Variants in AKAP6 observed in about 807,000 individuals in gnomAD.
The protein encoded by AKAP6 is A-kinase anchor protein 6.
AKAP6 carries 58 observed loss-of-function variants against 188.5 expected under a neutral mutation model. The ratio of observed to expected loss-of-function variants is 0.31; its 90% confidence interval spans 0.25 to 0.38. The LOEUF (loss-of-function observed/expected upper bound fraction) is 0.38, where lower values mean the gene tolerates loss of function less well. AKAP6 is among the 10% of genes least tolerant of loss of function. The probability of loss-of-function intolerance (pLI) is 1.00; values close to 1 mark genes in which losing one functional copy is unlikely to be tolerated. For synonymous variants in AKAP6, 989 were observed against 998.6 expected, an observed-to-expected ratio of 0.99 and a Z score of 0.18; for missense variants, 2,710 against 2,740.0, an observed-to-expected ratio of 0.99 and a Z score of 0.24.
At chr14:32,622,652 A>C (rs1886863116) in intron 7 of AKAP6, among the ~76,000 whole-genome samples, 1 of 152,160 alleles carries the variant, frequency 6.6e-6, no homozygotes, top group Non-Finnish European at 1.5e-5. Flanking sequence ...TAAGAAGACA[A>C]ATAATGTTCT....
At chr14:32,669,174 CT>C (rs1236848725) in intron 7 of AKAP6, among the ~76,000 whole-genome samples, 1 of 152,080 alleles carries the variant, frequency 6.6e-6, no homozygotes, top group Non-Finnish European at 1.5e-5. Flanking sequence ...TGTCTTACCC[CT>C]AAGAGACACT....
chr14:32,650,963 C>T lies in AKAP6; in HGVS notation c.2731-27348C>T, dbSNP rs574188436. Reference sequence around the variant, plus strand: ...ATTGTAAAGTTTGCTTCTTTTAAGCCGTAAGGTAAGACATATGAAGGAAAA... The same window carrying T: ...ATTGTAAAGTTTGCTTCTTTTAAGCTGTAAGGTAAGACATATGAAGGAAAA... On this transcript the variant is annotated intron_variant, in intron 7 of 13. Coordinates refer to ENST00000280979, the MANE Select transcript of AKAP6 (RefSeq NM_004274.5). Among the ~76,000 whole-genome samples, 16 of 152,126 alleles carry T rather than the reference C, an allele frequency of 1.1e-4. No individual in the cohort carries two copies. The South Asian group carries it at 2.5e-3, about 24-fold the overall frequency.
chr14:32,828,494 C>T (rs1406031236), intron 13 of AKAP6, among the ~76,000 whole-genome samples: 1 of 151,190 alleles, frequency 6.6e-6, no homozygotes, highest in Non-Finnish European at 1.5e-5. Context: ...TACTGGGCAT[C>T]ACCTATCATC....
chr14:32,409,892 A>G (rs930267268), intron 1 of AKAP6, among the ~76,000 whole-genome samples: 4 of 151,362 alleles, frequency 2.6e-5, no homozygotes, highest in Non-Finnish European at 5.9e-5. Flanking sequence ...TTTTTTTCTT[A>G]TTTTGCCCAA....
At position 32,568,773 on chromosome 14, in the gene AKAP6, T is replaced by C. The variant is rs1421511429; in HGVS notation, c.2347-8347T>C. Among the ~76,000 whole-genome samples, 2 of 152,170 alleles carry C rather than the reference T, an allele frequency of 1.3e-5. No individual in the cohort carries two copies. Among genetic ancestry groups the C allele is most frequent in the Non-Finnish European group, 2.9e-5 (2 of 68,016 alleles). On this transcript the variant is annotated intron_variant, in intron 4 of 13. Transcript: ENST00000280979. The surrounding 1 kb of genome is among the most constrained non-coding windows in gnomAD (Gnocchi z 6.2). ...TATAAAATGGAGAGTGCAGTAATAT[T>C]GTATCATAGGGTTGTTGTAAGGATT...
intron 7 of AKAP6, among the ~76,000 whole-genome samples, chr14:32,648,732 T>C (rs560332892): frequency 5.8e-4 from 89 of 152,266 alleles, no homozygotes; most frequent in African/African-American, 1.9e-3. Flanking sequence ...GAATCACTAA[T>C]AGATTAAAGA....
rs1595000148 is a variant in AKAP6 at position 32,835,131 on chromosome 14, A to G, written c.*5326A>G. The G allele has an allele frequency of 1.3e-5, 2 of 152,286 alleles. No individual in the cohort carries two copies. Among genetic ancestry groups the G allele is most frequent in the East Asian group, 3.9e-4 (2 of 5,180 alleles). The allele number at this position is 152,286 out of a possible 1,614,324, so 9.4% of individuals were successfully genotyped here. On this transcript the variant is annotated 3_prime_UTR_variant, in exon 14 of 14. Transcript: ENST00000280979. Reference sequence around the variant, plus strand: ...AAAGCCATATGGCCTGCAAAACCTAAAACATTTACTATCTGGATCATTACA... The same window carrying G: ...AAAGCCATATGGCCTGCAAAACCTAGAACATTTACTATCTGGATCATTACA...
At position 32,433,538 on chromosome 14, in the gene AKAP6, C is replaced by A; in HGVS notation, c.45C>A (p.Asp15Glu). The change falls in exon 2 of 14, where the codon GAC (aspartate) becomes GAA (glutamate). Residue 15 changes from aspartate to glutamate, a missense_variant. By Grantham distance (45) the Asp-to-Glu change is conservative. This residue lies in a region of AKAP6 where 237 missense variants were observed against 313.9 expected (regional missense o/e 0.76). Transcript: ENST00000280979. ...CACTTTCCCCCCTGAGGTCACAGGA[C>A]CTGGATCCCATGGCTACTGATGCTT... ...SVTLSPLRSQ[D>E]LDPMATDASP... is the part of the protein sequence containing the mutation. 1 of 1,614,092 alleles carries A rather than the reference C, an allele frequency of 6.2e-7. No individual in the cohort carries two copies. The highest frequency in any genetic ancestry group is 1.3e-5 in the African/African-American group (1 of 75,010).
rs147924045 is a variant in AKAP6, at chr14:32,532,083, G to A, written c.325-3471G>A. Among the ~76,000 whole-genome samples, 1,041 of 152,274 alleles carry A rather than the reference G, an allele frequency of 6.8e-3. 7 individuals are homozygous for A. The highest frequency in any genetic ancestry group is 0.024 in the African/African-American group (977 of 41,548). On this transcript the variant is annotated intron_variant, in intron 2 of 13. Transcript: ENST00000280979. ...CTAACCTGTTTTCCAGAGTGACTGT[G>A]CCATTCTGAATTCCCATAAGCAGCA...
At chr14:32,595,829 G>T (rs976150389) in intron 5 of AKAP6, among the ~76,000 whole-genome samples, 4 of 152,138 alleles carry the variant, frequency 2.6e-5, no homozygotes, top group Non-Finnish European at 5.9e-5. Context: ...TTTATTCTAC[G>T]CTGGGTCTTA....
chr14:32,374,648 T>G (rs1169199811), intron 1 of AKAP6, among the ~76,000 whole-genome samples: 22 of 152,152 alleles, frequency 1.4e-4, no homozygotes, highest in Admixed American at 1.4e-3. Flanking sequence ...TTCCCCAACA[T>G]TTTATTATGA....
chr14:32,428,750 G>T (rs1286715388), intron 1 of AKAP6, among the ~76,000 whole-genome samples: 3 of 152,168 alleles, frequency 2.0e-5, no homozygotes, highest in African/African-American at 7.2e-5. Context: ...AATGCATTCT[G>T]CTAGCGTCAA....
intron 7 of AKAP6, among the ~76,000 whole-genome samples, chr14:32,657,503 C>T (rs975587847): frequency 1.3e-5 from 2 of 152,192 alleles, no homozygotes; most frequent in Admixed American, 6.5e-5. Flanking sequence ...TAGATTTAAA[C>T]GAAAGCTCAT....
At chr14:32,770,430 A>G (rs2032862427) in intron 11 of AKAP6, among the ~76,000 whole-genome samples, 1 of 152,182 alleles carries the variant, frequency 6.6e-6, no homozygotes, top group South Asian at 2.1e-4. Context: ...TTTTCTAGGA[A>G]GGCAATATGA....
At position 32,545,931 on chromosome 14, in the gene AKAP6, T is replaced by C. The variant is rs1350621711; in HGVS notation, c.1278T>C (p.Pro426=). ...DLKPEMSRST[P]SLVDPPDRSK... ...AGCCTGAGATGAGCAGAAGCACCCCTTCGCTAGTAGATCCTCCTGACAGAT... is the reference window on the plus strand; with the variant it reads ...AGCCTGAGATGAGCAGAAGCACCCCCTCGCTAGTAGATCCTCCTGACAGAT... Residue 426 remains proline, a synonymous_variant, in exon 4 of 14, where the codon CCT becomes CCC. Coordinates refer to ENST00000280979, the MANE Select transcript of AKAP6 (RefSeq NM_004274.5). 1 of 1,614,182 alleles carries C rather than the reference T, an allele frequency of 6.2e-7. No homozygotes were observed.
In AKAP6 at chr14:32,678,566, G is replaced by A. The variant is rs1889537053; in HGVS notation, c.2879+107G>A. ...ATTTCCTCTTTAGCAAACCGACAAG[G>A]AGAAGCTCAGTAGACTAGGCATTAA... On this transcript the variant is annotated intron_variant, in intron 8 of 13. Coordinates refer to ENST00000280979, the MANE Select transcript of AKAP6 (RefSeq NM_004274.5). 12 of 1,283,680 alleles carry A rather than the reference G, an allele frequency of 9.3e-6. No homozygotes were observed. The South Asian group carries it at 1.7e-4, about 18-fold the overall frequency. The allele number at this position is 1,283,680 out of a possible 1,614,324, so 79.5% of individuals were successfully genotyped here.
At chr14:32,596,931 G>A (rs1472452603) in intron 5 of AKAP6, among the ~76,000 whole-genome samples, 5 of 152,162 alleles carry the variant, frequency 3.3e-5, no homozygotes, top group African/African-American at 9.7e-5. Context: ...TGCCTTCTCA[G>A]AGGCTCATTG....
chr14:32,670,788 C>A (rs1222398472), intron 7 of AKAP6, among the ~76,000 whole-genome samples: 1 of 149,922 alleles, frequency 6.7e-6, no homozygotes, highest in Non-Finnish European at 1.5e-5. Context: ...ATTTTATTTT[C>A]TGTCAAAGAA....
chr14:32,541,486 A>G (rs1882954213), intron 3 of AKAP6, among the ~76,000 whole-genome samples: 1 of 152,100 alleles, frequency 6.6e-6, no homozygotes, highest in Non-Finnish European at 1.5e-5. Context: ...CTGCTTGTCC[A>G]AAGGCAGGTG....
Sources: allele counts gnomAD v4.1 joint callset (sites outside exome capture counted in the v4.1 genomes callset), GRCh38; gene constraint gnomAD v4.1.1; regional missense constraint gnomAD v4.1.1; non-coding constraint Gnocchi (gnomAD v3.1); transcripts MANE v1.5; gene names NCBI Gene and HGNC (gene_info 2026-07-23, HGNC 2026-07-21).